Variants in SLC44A4 observed in about 807,000 individuals in gnomAD.
The protein encoded by SLC44A4 is choline transporter-like protein 4.
Under a neutral mutation model 97.0 loss-of-function variants are expected in SLC44A4, and 74 were observed. The observed-to-expected ratio is 0.76, with a 90% CI of 0.63 to 0.93. SLC44A4 has a LOEUF of 0.93. SLC44A4 is among the 40% of genes least tolerant of loss of function. The pLI, the probability that SLC44A4 is intolerant of heterozygous loss-of-function variation, is 0.00. For missense variants in SLC44A4, 799 were observed against 902.9 expected (o/e 0.88, Z 1.48); for synonymous variants, 325 against 363.8 (o/e 0.89, Z 1.21).
chr6:31,866,242 C>T, intron 13 of SLC44A4, 116 bp from the exon 14 acceptor site: 1 of 1,302,020 alleles, frequency 7.7e-7, no homozygotes, highest in Non-Finnish European at 1.1e-6. Flanking sequence ...TGGGAAGTAG[C>T]TTCTCTGGAC....
Position 31,870,591 on chromosome 6 carries a change from G to A in SLC44A4, c.1037+12C>T, listed in dbSNP as rs1268230178. ...GTCCTCAACCCCATCTCCCTCCCAG[G>A]CAGGCCCTAACTTGCTGGCCTCCTT... On this transcript the variant is annotated intron_variant, in intron 11 of 20. Transcript: ENST00000229729. The A allele has an allele frequency of 6.3e-7, 1 of 1,580,458 alleles. No individual in the cohort carries two copies. Among genetic ancestry groups the A allele is most frequent in the Non-Finnish European group, 8.6e-7 (1 of 1,163,722 alleles).
In SLC44A4 at chr6:31,865,880, T is replaced by C; in HGVS notation, c.1480A>G (p.Thr494Ala). The C allele has an allele frequency of 6.2e-7, 1 of 1,614,082 alleles. No individual in the cohort carries two copies. The highest frequency in any genetic ancestry group is 8.5e-7 in the Non-Finnish European group (1 of 1,180,004). ...CCCCTGCCCCATCCTTACCGGAGTG[T>C]GCGGATGAAGGCAGAGATTAAGGGG... is the stretch of plus-strand genomic sequence containing the variant. ...TFPLISAFIRTLRYHTGSLAF... is the reference protein window; with the variant it reads ...TFPLISAFIRALRYHTGSLAF... The change falls in exon 14 of 21, where the codon ACA (threonine) becomes GCA (alanine). Residue 494 changes from threonine (T) to alanine (A), a missense_variant. By Grantham distance (58) the Thr-to-Ala change is moderately conservative (BLOSUM62 0). Around this residue, in one of 3 missense-constraint regions of SLC44A4, gnomAD observed 379 missense variants for 438.3 expected, o/e 0.86. Coordinates refer to ENST00000229729, the MANE Select transcript of SLC44A4 (RefSeq NM_025257.3). This position sits in a 1 kb window ranked among gnomAD's most constrained non-coding sequence, Gnocchi z 5.2.
At chr6:31,870,122 T>C (rs1250796160) in intron 11 of SLC44A4, among the ~76,000 whole-genome samples, 2 of 152,194 alleles carry the variant, frequency 1.3e-5, no homozygotes, top group Non-Finnish European at 2.9e-5. Flanking sequence ...CTAGGCATAC[T>C]GTAGGTGCTC....
rs1319405016 is a variant in SLC44A4 at position 31,874,549 on chromosome 6, C to T, written c.469-29G>A. Reference sequence around the variant, plus strand: ...TGGCAGGAGTGAAAGGACAGACACACAGACACAGAGCAGGATGAAGAAGCA... The same window carrying T: ...TGGCAGGAGTGAAAGGACAGACACATAGACACAGAGCAGGATGAAGAAGCA... On this transcript the variant is annotated intron_variant, in intron 6 of 20. Coordinates refer to ENST00000229729, the MANE Select transcript of SLC44A4 (RefSeq NM_025257.3). The surrounding 1 kb of genome is among the most constrained non-coding windows in gnomAD (Gnocchi z 4.8). 2.5e-6 allele frequency: 4 copies of T among 1,609,762 alleles called. No homozygotes were observed. Among genetic ancestry groups the T allele is most frequent in the Non-Finnish European group, 3.4e-6 (4 of 1,178,106 alleles).
At position 31,864,837 on chromosome 6, in the gene SLC44A4, G is replaced by A; in HGVS notation, c.1905C>T (p.Asn635=). Residue 635 remains asparagine, a synonymous_variant, in exon 19 of 21, where the codon AAC becomes AAT. Transcript: ENST00000229729. The part of the protein sequence containing the change: ...LGKDFKSPHL[N]YYWLPIMTSI... ...TCACCATGATGGGCAGCCAGTAATA[G>A]TTGAGGTGGGGGCTCTTAAAGTCTT... 6.2e-7 allele frequency: 1 copy of A among 1,614,066 alleles called. No individual in the cohort carries two copies. The highest frequency in any genetic ancestry group is 1.7e-5 in the Admixed American group (1 of 60,016).
chr6:31,875,978 G>A (rs1013729697), intron 3 of SLC44A4, 48 bp from the exon 4 acceptor site: 1 of 1,612,490 alleles, frequency 6.2e-7, no homozygotes, highest in Middle Eastern at 1.7e-4. Flanking sequence ...GGACTTAGTG[G>A]GGCAGTTATG....
intron 7 of SLC44A4, among the ~76,000 whole-genome samples, chr6:31,872,622 T>A (rs1257473972): frequency 6.6e-6 from 1 of 151,984 alleles, no homozygotes; most frequent in Non-Finnish European, 1.5e-5. Flanking sequence ...AACCTCCAAC[T>A]CCAGGACTCA....
At position 31,863,289 on chromosome 6, in the gene SLC44A4, G is replaced by C. The variant is rs1286637879; in HGVS notation, c.*338C>G. 1 of 258,312 alleles carries C rather than the reference G, an allele frequency of 3.9e-6. No homozygotes were observed. The highest frequency in any genetic ancestry group is 7.4e-6 in the Non-Finnish European group (1 of 135,544). The allele number at this position is 258,312 out of a possible 1,614,324, so 16.0% of individuals were successfully genotyped here. On this transcript the variant is annotated 3_prime_UTR_variant, in exon 21 of 21. Coordinates refer to ENST00000229729, the MANE Select transcript of SLC44A4 (RefSeq NM_025257.3). ...CACCCAGGTTGGAGTGCAGTGGCGCGATCTCGGCTCACTGCAACCTCTGCC... is the reference window on the plus strand; with the variant it reads ...CACCCAGGTTGGAGTGCAGTGGCGCCATCTCGGCTCACTGCAACCTCTGCC...
At position 31,863,516 on chromosome 6, in the gene SLC44A4, C is replaced by A; in HGVS notation, c.*111G>T. The stretch of plus-strand genomic sequence containing the variant: ...GTTGGATTACAGGCGTGAGCCACGG[C>A]GCCTGGCCTAAAACCTTTTTTTACC... On this transcript the variant is annotated 3_prime_UTR_variant, in exon 21 of 21. Coordinates refer to ENST00000229729, the MANE Select transcript of SLC44A4 (RefSeq NM_025257.3). 7.0e-7 allele frequency: 1 copy of A among 1,423,388 alleles called. No individual in the cohort carries two copies. Among genetic ancestry groups the A allele is most frequent in the African/African-American group, 1.5e-5 (1 of 68,440 alleles). 88.2% of individuals were successfully genotyped at this position (1,423,388 alleles called of 1,614,324 possible).
chr6:31,866,178 T>C (rs1443075711), intron 13 of SLC44A4, 52 bp from the exon 14 acceptor site: 20 of 1,594,050 alleles, frequency 1.3e-5, no homozygotes, highest in Non-Finnish European at 1.6e-5. Context: ...GGCCTCAGTA[T>C]GGAGCCTGGG....
Position 31,870,518 on chromosome 6 carries a change from C to T in SLC44A4, c.1037+85G>A, listed in dbSNP as rs551884339. 3.5e-5 allele frequency: 38 copies of T among 1,096,648 alleles called. No individual in the cohort carries two copies. The Admixed American group carries it at 5.5e-4, about 16-fold the overall frequency. The allele number at this position is 1,096,648 out of a possible 1,614,324, so 67.9% of individuals were successfully genotyped here. ...TCCCTTCTCCTCTGAGGCTCCCTGC[C>T]ACCTCTCTAGCACCCCCTAGGTCCC... On this transcript the variant is annotated intron_variant, in intron 11 of 20. Coordinates refer to ENST00000229729, the MANE Select transcript of SLC44A4 (RefSeq NM_025257.3).
At chr6:31,872,475 A>G (rs1763225964) in intron 7 of SLC44A4, among the ~76,000 whole-genome samples, 1 of 151,940 alleles carries the variant, frequency 6.6e-6, no homozygotes, top group African/African-American at 2.4e-5. Flanking sequence ...GGCTCAAGCA[A>G]TCCTCCCACC....
Position 31,874,347 on chromosome 6 carries a change from AT to A in SLC44A4, c.529+112del. 1 of 1,198,146 alleles carries A rather than the reference AT, an allele frequency of 8.3e-7. No individual in the cohort carries two copies. Among genetic ancestry groups the A allele is most frequent in the South Asian group, 1.3e-5 (1 of 78,260 alleles). The allele number at this position is 1,198,146 out of a possible 1,614,324, so 74.2% of individuals were successfully genotyped here. On this transcript the variant is annotated intron_variant, in intron 7 of 20. Coordinates refer to ENST00000229729, the MANE Select transcript of SLC44A4 (RefSeq NM_025257.3). This position sits in a 1 kb window ranked among gnomAD's most constrained non-coding sequence, Gnocchi z 4.8. ...AAATGAAGACCTGATGCTAATTCCA[AT>A]TTTGCCACCAACAAGCTATGTGACT...
chr6:31,875,415 C>T (rs1763391235), intron 4 of SLC44A4, among the ~76,000 whole-genome samples: 1 of 152,144 alleles, frequency 6.6e-6, no homozygotes, highest in Non-Finnish European at 1.5e-5. Context: ...ATAGTAAATG[C>T]TATATAAATA....
At chr6:31,863,873 G>A in intron 20 of SLC44A4, 125 bp from the exon 21 acceptor site, 2 of 1,272,750 alleles carry the variant, frequency 1.6e-6, no homozygotes, top group South Asian at 1.3e-5. Context: ...GGCAGGTTAT[G>A]TAATCTCAGT....
Position 31,874,864 on chromosome 6 carries a change from A to G in SLC44A4, c.343-18T>C, listed in dbSNP as rs1374852862. On this transcript the variant is annotated intron_variant, in intron 5 of 20. Transcript: ENST00000229729. The surrounding 1 kb of genome is among the most constrained non-coding windows in gnomAD (Gnocchi z 4.8). ...ACACACACCTGGGTGCAGAGAGAAC[A>G]CTAAGGGGCTGGAACCTGAGACCCT... 4 of 1,612,768 alleles carry G rather than the reference A, an allele frequency of 2.5e-6. No individual in the cohort carries two copies. The highest frequency in any genetic ancestry group is 3.4e-6 in the Non-Finnish European group (4 of 1,179,314).
At chr6:31,869,278 G>A in intron 12 of SLC44A4, 21 bp from the exon 13 acceptor site, 1 of 1,577,284 alleles carries the variant, frequency 6.3e-7, no homozygotes, top group Non-Finnish European at 8.6e-7. Flanking sequence ...GTCAAGGAAA[G>A]CATGATCACA....
chr6:31,874,847 C>T lies in SLC44A4; in HGVS notation c.343-1G>A. The T allele has an allele frequency of 6.2e-7, 1 of 1,612,368 alleles. No individual in the cohort carries two copies. The highest frequency in any genetic ancestry group is 8.5e-7 in the Non-Finnish European group (1 of 1,179,204). ...CCTCCGGGCAGGAGGACACACACAC[C>T]TGGGTGCAGAGAGAACACTAAGGGG... On this transcript the variant is annotated splice_acceptor_variant, in intron 5 of 20. Coordinates refer to ENST00000229729, the MANE Select transcript of SLC44A4 (RefSeq NM_025257.3). LOFTEE classifies it high-confidence loss of function. The surrounding 1 kb of genome is among the most constrained non-coding windows in gnomAD (Gnocchi z 4.8).
rs1763412511 is a variant in SLC44A4 at position 31,875,872 on chromosome 6, G to T, written c.222C>A (p.Tyr74Ter). 6.2e-7 allele frequency: 1 copy of T among 1,612,114 alleles called. No individual in the cohort carries two copies. The highest frequency in any genetic ancestry group is 8.5e-7 in the Non-Finnish European group (1 of 1,178,960). Residue 74 changes from tyrosine to a stop codon, truncating the protein, a stop_gained, in exon 4 of 21, where the codon TAC becomes TAA. Transcript: ENST00000229729. LOFTEE classifies it high-confidence loss of function. Reference sequence around the variant, plus strand: ...CTCACTTGTTCTCCCCCATGCCACAGTAGGCCCCAGTAGAGTTCCTGGGGT... The same window carrying T: ...CTCACTTGTTCTCCCCCATGCCACATTAGGCCCCAGTAGAGTTCCTGGGGT... The part of the protein sequence containing the change: ...VLYPRNSTGA[Y>*]CGMGENKDKP...
Sources: allele counts gnomAD v4.1 joint callset (sites outside exome capture counted in the v4.1 genomes callset), GRCh38; gene constraint gnomAD v4.1.1; regional missense constraint gnomAD v4.1.1; non-coding constraint Gnocchi (gnomAD v3.1); transcripts MANE v1.5; gene names NCBI Gene and HGNC (gene_info 2026-07-23, HGNC 2026-07-21).